Variants in CACNA2D2 observed in about 807,000 individuals in gnomAD.
CACNA2D2 encodes the protein voltage-dependent calcium channel subunit alpha-2/delta-2.
CACNA2D2 carries 48 observed loss-of-function variants against 166.4 expected under a neutral mutation model. The observed-to-expected ratio is 0.29, with a 90% CI of 0.23 to 0.37. The LOEUF is 0.37. Among genes scored for constraint, CACNA2D2 ranks in the 10% least tolerant of loss-of-function variants. The probability of loss-of-function intolerance (pLI) is 1.00; values close to 1 mark genes in which losing one functional copy is unlikely to be tolerated. For missense variants in CACNA2D2, 1,122 were observed against 1,433.0 expected, an observed-to-expected ratio of 0.78 and a Z score of 3.50; for synonymous variants, 561 against 573.7, an observed-to-expected ratio of 0.98 and a Z score of 0.32.
At position 50,380,395 on chromosome 3, in the gene CACNA2D2, G is replaced by A. The variant is rs1015194955; in HGVS notation, c.842+353C>T. On this transcript the variant is annotated intron_variant, in intron 8 of 37. Coordinates refer to ENST00000424201, the MANE Select transcript of CACNA2D2 (RefSeq NM_006030.4). This position sits in a 1 kb window ranked among gnomAD's most constrained non-coding sequence, Gnocchi z 4.9. ...GGAAGGAGAGTCACAGGGAGCTGCC[G>A]GAGGGGCAGAACAGAGGGGAGGGAT... 7.2e-5 allele frequency among the ~76,000 whole-genome samples: 11 copies of A among 152,192 alleles called. No homozygotes were observed. Among genetic ancestry groups the A allele is most frequent in the East Asian group, 1.9e-4 (1 of 5,198 alleles).
rs548680126 is a variant in CACNA2D2, at chr3:50,410,487, G to C, written c.406-16319C>G. Among the ~76,000 whole-genome samples the C allele has an allele frequency of 5.9e-3, 891 of 152,114 alleles. 7 individuals carry two copies. Among genetic ancestry groups the C allele is most frequent in the Non-Finnish European group, 0.01 (686 of 67,948 alleles). ...GCTGGGTGCTCCCTGGGATGGGGGG[G>C]GGGGTGTTGTCTTTGTGCCCCAGAG... On this transcript the variant is annotated intron_variant, in intron 3 of 37. Transcript: ENST00000424201.
chr3:50,369,762 T>TG (rs1373433049), intron 23 of CACNA2D2, among the ~76,000 whole-genome samples: 2 of 152,216 alleles, frequency 1.3e-5, no homozygotes, highest in African/African-American at 4.8e-5. Flanking sequence ...GGCCTGGGCT[T>TG]GCTCGGGGCC....
chr3:50,410,372 G>A (rs532708184), intron 3 of CACNA2D2, among the ~76,000 whole-genome samples: 1 of 152,340 alleles, frequency 6.6e-6, no homozygotes, highest in East Asian at 1.9e-4. Context: ...TGCAGAAGGG[G>A]GATCCCCTAG....
In CACNA2D2 at chr3:50,365,261, G is replaced by C. The variant is rs1463099797; in HGVS notation, c.3099-77C>G. On this transcript the variant is annotated intron_variant, in intron 35 of 37. Transcript: ENST00000424201. This position sits in a 1 kb window ranked among gnomAD's most constrained non-coding sequence, Gnocchi z 4.5. ...CCCCCATCCTGCGGCCCCGCCCCCG[G>C]CCGCTCGGAGGCCCCGCCCCTTCCA... 7.1e-6 allele frequency: 7 copies of C among 984,810 alleles called. No individual in the cohort carries two copies. The highest frequency in any genetic ancestry group is 1.8e-5 in the African/African-American group (1 of 54,878). The allele number at this position is 984,810 out of a possible 1,614,324, so 61.0% of individuals were successfully genotyped here.
rs759991914 is a variant in CACNA2D2 at position 50,376,097 on chromosome 3, C to G, written c.1701+17G>C. On this transcript the variant is annotated intron_variant, in intron 18 of 37. Transcript: ENST00000424201. The surrounding 1 kb of genome is among the most constrained non-coding windows in gnomAD (Gnocchi z 4.3). ...GTGGAAGGTTTGCCCACCCTCCAGG[C>G]CACCCGTCTGGCTCACCTGGGGCTT... 1 of 1,613,390 alleles carries G rather than the reference C, an allele frequency of 6.2e-7. No homozygotes were observed.
chr3:50,394,265 G>T, intron 3 of CACNA2D2, 97 bp from the exon 4 acceptor site: 1 of 968,282 alleles, frequency 1.0e-6, no homozygotes, highest in Non-Finnish European at 1.7e-6. Flanking sequence ...CCTGGGGCCA[G>T]GCTGGACTGG....
Position 50,365,220 on chromosome 3 carries a change from G to GGCCCC in CACNA2D2, c.3099-37_3099-36insGGGGC. On this transcript the variant is annotated intron_variant, in intron 35 of 37. Coordinates refer to ENST00000424201, the MANE Select transcript of CACNA2D2 (RefSeq NM_006030.4). This position sits in a 1 kb window ranked among gnomAD's most constrained non-coding sequence, Gnocchi z 4.5. The stretch of plus-strand genomic sequence containing the variant: ...CCCGGAAAGGCGGGGCGTTGAGTTT[G>GGCCCC]CCCCGCCCTGACCCACCCCCATCCT... 3 of 1,575,422 alleles carry GGCCCC rather than the reference G, an allele frequency of 1.9e-6. No homozygotes were observed. The highest frequency in any genetic ancestry group is 2.6e-6 in the Non-Finnish European group (3 of 1,150,766).
chr3:50,364,706 G>A lies in CACNA2D2; in HGVS notation c.3392C>T (p.Pro1131Leu), dbSNP rs1559869119. The A allele has an allele frequency of 6.5e-7, 1 of 1,545,644 alleles. No homozygotes were observed. Among genetic ancestry groups the A allele is most frequent in the Non-Finnish European group, 8.7e-7 (1 of 1,144,924 alleles). ...GGCGTGGACGAGGACTTGAGGCTGC[G>A]GCCGGGGCGGCAGGCCCAGGAGGAG... ...LLLLLGLPPR[P>L]QPQVLVHASR... is the part of the protein sequence containing the mutation. The change falls in exon 38 of 38, where the codon CCG (proline) becomes CTG (leucine). Residue 1131 changes from proline (P) to leucine (L), a missense_variant. By Grantham distance (98) the Pro-to-Leu change is moderately conservative (BLOSUM62 -3). This residue lies in a region of CACNA2D2 where 282 missense variants were observed against 266.2 expected (regional missense o/e 1.06). Transcript: ENST00000424201.
At chr3:50,450,437 T>TG (rs1428389459) in intron 2 of CACNA2D2, among the ~76,000 whole-genome samples, 1 of 151,622 alleles carries the variant, frequency 6.6e-6, no homozygotes, top group East Asian at 2.0e-4. Context: ...GACGTGAAAT[T>TG]GGAGTGAGAC....
chr3:50,488,209 G>A (rs548135447), intron 1 of CACNA2D2, among the ~76,000 whole-genome samples: 25 of 152,274 alleles, frequency 1.6e-4, no homozygotes, highest in Non-Finnish European at 2.5e-4. Flanking sequence ...CAGACCGACC[G>A]TGGGCACCAA....
At chr3:50,484,179 T>C (rs867505790) in intron 1 of CACNA2D2, among the ~76,000 whole-genome samples, 1 of 152,162 alleles carries the variant, frequency 6.6e-6, no homozygotes, top group Non-Finnish European at 1.5e-5. Context: ...TAGAACCCGC[T>C]TTCTCTCACA....
chr3:50,420,585 C>T (rs950918475), intron 3 of CACNA2D2, among the ~76,000 whole-genome samples: 1 of 152,196 alleles, frequency 6.6e-6, no homozygotes, highest in Non-Finnish European at 1.5e-5. Context: ...CTGGCAGCCC[C>T]TTCCTGAGAG....
intron 3 of CACNA2D2, among the ~76,000 whole-genome samples, chr3:50,408,657 C>A (rs1706839079): frequency 6.6e-6 from 1 of 152,222 alleles, no homozygotes; most frequent in Non-Finnish European, 1.5e-5. Context: ...TTTGTCAGAG[C>A]CGTGGGACAC....
intron 1 of CACNA2D2, among the ~76,000 whole-genome samples, chr3:50,477,971 C>T (rs928958974): frequency 1.3e-5 from 2 of 151,782 alleles, no homozygotes; most frequent in Admixed American, 6.6e-5. Flanking sequence ...GTGCCTGGGT[C>T]GGTTGGCATG....
Position 50,441,515 on chromosome 3 carries a change from C to T in CACNA2D2, c.289-7086G>A, listed in dbSNP as rs1033429093. ...AAACAATAAACCAAATCCTCCCAGC[C>T]AAGCAAGGGCCAGTCTGTGCCAACC... On this transcript the variant is annotated intron_variant, in intron 2 of 37. Coordinates refer to ENST00000424201, the MANE Select transcript of CACNA2D2 (RefSeq NM_006030.4). Among the ~76,000 whole-genome samples, 9 of 152,354 alleles carry T rather than the reference C, an allele frequency of 5.9e-5. No individual in the cohort carries two copies. The Middle Eastern group carries it at 0.017, about 288-fold the overall frequency.
chr3:50,486,706 C>T lies in CACNA2D2; in HGVS notation c.207-10507G>A, dbSNP rs547383912. Among the ~76,000 whole-genome samples, 3 of 152,364 alleles carry T rather than the reference C, an allele frequency of 2.0e-5. No homozygotes were observed. In the South Asian group the frequency reaches 6.2e-4, roughly 32 times the overall value. ...TTCCCCTACCCTCTTCTCAAAGCCA[C>T]AGTTCTCACCACACTTTACCAAGCC... is the stretch of plus-strand genomic sequence containing the variant. On this transcript the variant is annotated intron_variant, in intron 1 of 37. Coordinates refer to ENST00000424201, the MANE Select transcript of CACNA2D2 (RefSeq NM_006030.4).
chr3:50,482,915 G>T (rs903667055), intron 1 of CACNA2D2, among the ~76,000 whole-genome samples: 2 of 152,196 alleles, frequency 1.3e-5, no homozygotes, highest in Non-Finnish European at 2.9e-5. Flanking sequence ...GGATGATAGG[G>T]CTGGCAGAGG....
chr3:50,393,614 A>G (rs1345963312), intron 4 of CACNA2D2, among the ~76,000 whole-genome samples: 1 of 151,968 alleles, frequency 6.6e-6, no homozygotes, highest in Non-Finnish European at 1.5e-5. Context: ...GTGGAAGGAG[A>G]GGCTTCTGTG....
At chr3:50,436,294 C>T (rs1264755635) in intron 2 of CACNA2D2, among the ~76,000 whole-genome samples, 1 of 152,238 alleles carries the variant, frequency 6.6e-6, no homozygotes, top group East Asian at 1.9e-4. Flanking sequence ...GGATGAAGTT[C>T]ATACCTCAGA....
Sources: allele counts gnomAD v4.1 joint callset (sites outside exome capture counted in the v4.1 genomes callset), GRCh38; gene constraint gnomAD v4.1.1; regional missense constraint gnomAD v4.1.1; non-coding constraint Gnocchi (gnomAD v3.1); transcripts MANE v1.5; gene names NCBI Gene and HGNC (gene_info 2026-07-23, HGNC 2026-07-21).